HDAC4: variants seen among roughly 807,000 people sequenced by gnomAD.
The protein encoded by HDAC4 is histone deacetylase 4.
Under a neutral mutation model 135.1 loss-of-function variants are expected in HDAC4, and 16 were observed. The ratio of observed to expected loss-of-function variants is 0.12; its 90% CI spans 0.08 to 0.18. The LOEUF is 0.18. Among genes scored for constraint, HDAC4 ranks in the 10% least tolerant of loss-of-function variants. The probability of loss-of-function intolerance (pLI) is 1.00; values close to 1 mark genes in which losing one functional copy is unlikely to be tolerated. For missense variants in HDAC4, 1,143 were observed against 1,511.8 expected, an observed-to-expected ratio of 0.76 and a Z score of 4.05; for synonymous variants, 685 against 653.4, an observed-to-expected ratio of 1.05 and a Z score of -0.74.
chr2:239,142,725 T>C (rs1045072724), intron 8 of HDAC4, among the ~76,000 whole-genome samples: 611 of 75,374 alleles, frequency 8.1e-3, no homozygotes, highest in Middle Eastern at 0.026. Context: ...TGGGTGAGCT[T>C]AGCACTGATC....
chr2:239,206,410 A>ACG, intron 3 of HDAC4, among the ~76,000 whole-genome samples: 1 of 152,114 alleles, frequency 6.6e-6, no homozygotes, highest in South Asian at 2.1e-4. Context: ...ACACACACAC[A>ACG]CACACACATG....
intron 2 of HDAC4, among the ~76,000 whole-genome samples, chr2:239,350,161 C>T (rs1344184963): frequency 6.6e-6 from 1 of 151,846 alleles, no homozygotes; most frequent in Non-Finnish European, 1.5e-5. Flanking sequence ...GGTAGAAATA[C>T]CTCATGAAAC....
intron 2 of HDAC4, among the ~76,000 whole-genome samples, chr2:239,302,460 T>G (rs1389100548): frequency 1.3e-5 from 2 of 152,206 alleles, no homozygotes; most frequent in Non-Finnish European, 2.9e-5. Context: ...AACCCCTTGC[T>G]CTCTTCATCA....
intron 2 of HDAC4, among the ~76,000 whole-genome samples, chr2:239,270,244 T>G (rs1351048118): frequency 6.6e-6 from 1 of 152,110 alleles, no homozygotes; most frequent in Admixed American, 6.5e-5. Context: ...TGTGTAAAAA[T>G]GAATGGATGA....
chr2:239,249,968 A>C (rs536014257), intron 2 of HDAC4, among the ~76,000 whole-genome samples: 1 of 152,236 alleles, frequency 6.6e-6, no homozygotes, highest in East Asian at 1.9e-4. Flanking sequence ...GTGACGCGTC[A>C]TCCAAGGGGA....
intron 2 of HDAC4, among the ~76,000 whole-genome samples, chr2:239,312,420 C>A (rs574473052): frequency 1.3e-5 from 2 of 152,294 alleles, no homozygotes; most frequent in Admixed American, 1.3e-4. Context: ...CCCAGGAGCC[C>A]ACACGCAGGG....
In HDAC4 at chr2:239,169,734, C is replaced by T. The variant is rs1336345599; in HGVS notation, c.491-5811G>A. ...CCCGGATCTGCATGCAAAGACCAGGCGTGCGTGTGTGCAGCCCTGTCTGCA... is the reference window on the plus strand; with the variant it reads ...CCCGGATCTGCATGCAAAGACCAGGTGTGCGTGTGTGCAGCCCTGTCTGCA... On this transcript the variant is annotated intron_variant, in intron 5 of 26. Transcript: ENST00000543185. Among the ~76,000 whole-genome samples the T allele has an allele frequency of 1.3e-5, 2 of 152,162 alleles. 1 individual carries two copies. The highest frequency in any genetic ancestry group is 4.2e-4 in the South Asian group (2 of 4,818).
rs796350422 is a variant in HDAC4 at position 239,331,986 on chromosome 2, G to C, written c.22+20692C>G. Among the ~76,000 whole-genome samples the C allele has an allele frequency of 4.6e-5, 7 of 152,322 alleles. No homozygotes were observed. Among genetic ancestry groups the C allele is most frequent in the African/African-American group, 1.7e-4 (7 of 41,574 alleles). On this transcript the variant is annotated intron_variant, in intron 2 of 26. Transcript: ENST00000543185. The surrounding 1 kb of genome is among the most constrained non-coding windows in gnomAD (Gnocchi z 4.5). Reference sequence around the variant, plus strand: ...AGCTTGAGCGTAAGAAGGGATACAAGAGGGAAAGGTGGACATTTCACAGTA... The same window carrying C: ...AGCTTGAGCGTAAGAAGGGATACAACAGGGAAAGGTGGACATTTCACAGTA...
chr2:239,104,947 A>T (rs2037985340), intron 15 of HDAC4, among the ~76,000 whole-genome samples: 1 of 152,250 alleles, frequency 6.6e-6, no homozygotes, highest in African/African-American at 2.4e-5. Flanking sequence ...GCTCTGCGAC[A>T]CCGCGACGGC....
intron 3 of HDAC4, among the ~76,000 whole-genome samples, chr2:239,230,151 G>A (rs1360797282): frequency 2.0e-5 from 3 of 152,060 alleles, no homozygotes; most frequent in African/African-American, 7.2e-5. Context: ...ACGCCAAAAG[G>A]AGGGGGCGTC....
intron 23 of HDAC4, 56 bp from the exon 24 acceptor site, chr2:239,066,911 A>G: frequency 1.9e-6 from 3 of 1,587,532 alleles, no homozygotes; most frequent in Non-Finnish European, 2.6e-6. Context: ...CAGCCAGCAC[A>G]GCCCAGAAAC....
intron 2 of HDAC4, among the ~76,000 whole-genome samples, chr2:239,247,909 C>T (rs181983639): frequency 6.6e-5 from 10 of 152,264 alleles, no homozygotes; most frequent in Admixed American, 3.9e-4. Context: ...CTGAAAGCAC[C>T]GCTCATTCTC....
chr2:239,146,578 C>T lies in HDAC4; in HGVS notation c.734-1864G>A, dbSNP rs1259795403. ...CCCCCAGGCCCTGTGGGGGTCATCA[C>T]GCTGCCACCAGGTCATCAGTCAGGC... On this transcript the variant is annotated intron_variant, in intron 7 of 26. Coordinates refer to ENST00000543185, the MANE Select transcript of HDAC4 (RefSeq NM_001378414.1). This position sits in a 1 kb window ranked among gnomAD's most constrained non-coding sequence, Gnocchi z 4.5. Among the ~76,000 whole-genome samples the T allele has an allele frequency of 1.3e-5, 2 of 152,160 alleles. No individual in the cohort carries two copies. The highest frequency in any genetic ancestry group is 1.9e-4 in the East Asian group (1 of 5,184).
At chr2:239,398,725 T>C (rs575423607) in intron 1 of HDAC4, among the ~76,000 whole-genome samples, 12 of 152,160 alleles carry the variant, frequency 7.9e-5, no homozygotes, top group Non-Finnish European at 1.3e-4. Context: ...ACACAGAACA[T>C]TCTCTCTGGT....
rs147880564 is a variant in HDAC4, at chr2:239,094,066, C to T, written c.2280+944G>A. ...AATCCAGACCTTGAGCTTCACCCTG[C>T]GATCAGTGATTACACACACACTGCA... On this transcript the variant is annotated intron_variant, in intron 17 of 26. Transcript: ENST00000543185. 25 of 985,442 alleles carry T rather than the reference C, an allele frequency of 2.5e-5. No homozygotes were observed. In the African/African-American group the frequency reaches 3.3e-4, roughly 13 times the overall value. 61.0% of individuals were successfully genotyped at this position (985,442 alleles called of 1,614,324 possible). A position where few individuals can be genotyped will look rare whatever the true frequency, so the allele number is the denominator to read the frequency against.
chr2:239,238,790 T>G (rs144214534), intron 2 of HDAC4, among the ~76,000 whole-genome samples: 57 of 152,328 alleles, frequency 3.7e-4, no homozygotes, highest in African/African-American at 1.3e-3. Flanking sequence ...CCGATTTGAC[T>G]TGTAAGTCAC....
At chr2:239,079,024 G>A (rs2035038585) in intron 22 of HDAC4, among the ~76,000 whole-genome samples, 1 of 152,248 alleles carries the variant, frequency 6.6e-6, no homozygotes, top group Admixed American at 6.5e-5. Flanking sequence ...CCATCAGGCA[G>A]CATGCACACC....
intron 1 of HDAC4, among the ~76,000 whole-genome samples, chr2:239,390,125 T>A (rs1330694782): frequency 6.6e-6 from 1 of 152,104 alleles, no homozygotes; most frequent in Non-Finnish European, 1.5e-5. Flanking sequence ...GCCTGAATAC[T>A]TCCTCCTCCG....
intron 2 of HDAC4, among the ~76,000 whole-genome samples, chr2:239,295,074 G>A (rs944246333): frequency 9.2e-5 from 14 of 152,006 alleles, no homozygotes; most frequent in African/African-American, 1.7e-4. Flanking sequence ...TTGGGAGGCC[G>A]AGGCGGGCGG....
Sources: gnomAD v4.1 joint callset for allele counts (sites outside exome capture counted in the v4.1 genomes callset) on GRCh38, gnomAD v4.1.1 for gene constraint, Gnocchi (gnomAD v3.1) non-coding constraint, MANE v1.5 for transcripts, NCBI Gene and HGNC (gene_info 2026-07-23, HGNC 2026-07-21) for gene names.